The following SPTBN1 variants were observed in gnomAD, a reference collection of about 807,000 sequenced individuals.
SPTBN1 encodes spectrin beta, non-erythrocytic 1.
Under a neutral mutation model 266.4 loss-of-function variants are expected in SPTBN1, and 32 were observed. The ratio of observed to expected loss-of-function variants is 0.12; its 90% CI spans 0.09 to 0.16. The LOEUF is 0.16. Ranked by LOEUF, SPTBN1 falls within the 10% of genes least tolerant of loss-of-function variation. SPTBN1 has a pLI of 1.00. For missense variants in SPTBN1, 2,296 were observed against 3,067.1 expected, an observed-to-expected ratio of 0.75 and a Z score of 5.94; for synonymous variants, 1,336 against 1,162.2, an observed-to-expected ratio of 1.15 and a Z score of -3.04.
intron 1 of SPTBN1, among the ~76,000 whole-genome samples, chr2:54,472,496 T>C (rs1274491696): frequency 6.6e-6 from 1 of 152,202 alleles, no homozygotes; most frequent in Non-Finnish European, 1.5e-5. Flanking sequence ...AGTAAGCTCA[T>C]TGGTAGTTTG....
chr2:54,642,192 G>A (rs1287730847), intron 18 of SPTBN1, among the ~76,000 whole-genome samples: 1 of 152,264 alleles, frequency 6.6e-6, no homozygotes, highest in Non-Finnish European at 1.5e-5. Flanking sequence ...ATGGAAGCCA[G>A]CAAAAGTGGG....
chr2:54,562,696 T>TTGTGTGTGTGTGTGTGTGTG (rs55947327), intron 2 of SPTBN1, among the ~76,000 whole-genome samples: 26 of 122,626 alleles, frequency 2.1e-4, no homozygotes, highest in African/African-American at 6.1e-4. Flanking sequence ...AAACCCTGCT[T>TTGTGTGTGTGTGTGTGTGTG]TGTGTGTGTG....
intron 2 of SPTBN1, among the ~76,000 whole-genome samples, chr2:54,544,553 G>C (rs1672124853): frequency 6.6e-6 from 1 of 152,062 alleles, no homozygotes; most frequent in Admixed American, 6.6e-5. Flanking sequence ...TTGTCTGTTT[G>C]TTTCTGACTG....
chr2:54,530,624 T>A (rs936042903), intron 2 of SPTBN1, among the ~76,000 whole-genome samples: 1 of 152,184 alleles, frequency 6.6e-6, no homozygotes, highest in Non-Finnish European at 1.5e-5. Context: ...CCCAAAGTGC[T>A]GAGATTACAG....
chr2:54,644,439 G>C lies in SPTBN1; in HGVS notation c.4122G>C (p.Gln1374His). Residue 1374 changes from glutamine (Q) to histidine (H), a missense_variant, in exon 20 of 36, where the codon CAG becomes CAC. Gln to His is a conservative substitution (Grantham distance 24, BLOSUM62 0). This residue lies in a region of SPTBN1 where 386 missense variants were observed against 486.1 expected (regional missense o/e 0.79). Coordinates refer to ENST00000356805, the MANE Select transcript of SPTBN1 (RefSeq NM_003128.3). ...VLESTTQTKAQRLFDANKAEL... is the reference protein window; with the variant it reads ...VLESTTQTKAHRLFDANKAEL... ...AATCCACTACCCAGACAAAGGCCCAGCGGCTCTTTGATGCAAACAAGGCCG... is the reference window on the plus strand; with the variant it reads ...AATCCACTACCCAGACAAAGGCCCACCGGCTCTTTGATGCAAACAAGGCCG... The C allele has an allele frequency of 6.2e-7, 1 of 1,614,266 alleles. No individual in the cohort carries two copies.
rs1311561747 is a variant in SPTBN1, at chr2:54,493,230, T to A, written c.-47-33142T>A. 2.0e-5 allele frequency among the ~76,000 whole-genome samples: 3 copies of A among 152,154 alleles called. No homozygotes were observed. The East Asian group carries it at 5.8e-4, about 29-fold the overall frequency. On this transcript the variant is annotated intron_variant, in intron 1 of 35. Coordinates refer to ENST00000356805, the MANE Select transcript of SPTBN1 (RefSeq NM_003128.3). Reference sequence around the variant, plus strand: ...CATGTTGCCCAGGCTGGTCTCAAACTCCTGGGCTTCAGTAATCCTCCCACC... The same window carrying A: ...CATGTTGCCCAGGCTGGTCTCAAACACCTGGGCTTCAGTAATCCTCCCACC...
At chr2:54,501,496 C>G (rs982122547) in intron 1 of SPTBN1, among the ~76,000 whole-genome samples, 6 of 152,190 alleles carry the variant, frequency 3.9e-5, no homozygotes, top group Non-Finnish European at 7.3e-5. Context: ...GATAACTGAT[C>G]ATTTCTAATG....
chr2:54,646,076 C>G lies in SPTBN1; in HGVS notation c.4584+59C>G. 6.2e-7 allele frequency: 1 copy of G among 1,611,796 alleles called. No individual in the cohort carries two copies. Among genetic ancestry groups the G allele is most frequent in the Admixed American group, 1.7e-5 (1 of 59,866 alleles). ...TAAATAATTGCTCTAAATTATGAGACTGGGAATGGCAGAGAGCTTTGAAGC... is the reference window on the plus strand; with the variant it reads ...TAAATAATTGCTCTAAATTATGAGAGTGGGAATGGCAGAGAGCTTTGAAGC... On this transcript the variant is annotated intron_variant, in intron 22 of 35. Coordinates refer to ENST00000356805, the MANE Select transcript of SPTBN1 (RefSeq NM_003128.3). This position sits in a 1 kb window ranked among gnomAD's most constrained non-coding sequence, Gnocchi z 4.4.
intron 35 of SPTBN1, 107 bp from the exon 36 acceptor site, chr2:54,668,242 ACT>A: frequency 8.1e-6 from 8 of 990,560 alleles, no homozygotes; most frequent in Non-Finnish European, 1.2e-5. Context: ...CCCAGAAGTG[ACT>A]CTGCTTACCC....
intron 2 of SPTBN1, among the ~76,000 whole-genome samples, chr2:54,580,228 C>T (rs1674796287): frequency 6.6e-6 from 1 of 152,106 alleles, no homozygotes; most frequent in Non-Finnish European, 1.5e-5. Context: ...GAAGGTTAGT[C>T]TGGGGTGACT....
chr2:54,594,549 G>C (rs1675919746), intron 2 of SPTBN1, among the ~76,000 whole-genome samples: 1 of 152,176 alleles, frequency 6.6e-6, no homozygotes, highest in South Asian at 2.1e-4. Context: ...ATTCCCCGTA[G>C]ATACTGGGAT....
rs1198869518 is a variant in SPTBN1 at position 54,646,390 on chromosome 2, C to A, written c.4781C>A (p.Ala1594Asp). The change falls in exon 23 of 36, where the codon GCC becomes GAC. Residue 1594 changes from alanine (A) to aspartate (D), a missense_variant. Physicochemically the swap from Ala to Asp is moderately radical, Grantham distance 126. Transcript: ENST00000356805. This position sits in a 1 kb window ranked among gnomAD's most constrained non-coding sequence, Gnocchi z 4.4. ...RHRRLEEAHR[A>D]QQYYFDAAEA... ...AGGCGGCTGGAGGAGGCGCACAGGG[C>A]CCAGCAGTACTACTTTGACGCTGCT... 6.2e-7 allele frequency: 1 copy of A among 1,611,608 alleles called. No homozygotes were observed. The highest frequency in any genetic ancestry group is 1.3e-5 in the African/African-American group (1 of 74,738).
intron 16 of SPTBN1, among the ~76,000 whole-genome samples, chr2:54,632,244 CAAAG>C (rs748142415): frequency 1.3e-5 from 2 of 152,020 alleles, no homozygotes; most frequent in East Asian, 1.9e-4. Context: ...GTTACTGTCT[CAAAG>C]AGAGAGTATG....
chr2:54,651,549 C>A (rs796977702), intron 26 of SPTBN1, among the ~76,000 whole-genome samples: 4 of 152,312 alleles, frequency 2.6e-5, no homozygotes, highest in African/African-American at 9.6e-5. Context: ...GCCACTGTCT[C>A]CATTCTGCAC....
intron 2 of SPTBN1, among the ~76,000 whole-genome samples, chr2:54,582,447 C>G (rs886479086): frequency 6.6e-6 from 1 of 151,702 alleles, no homozygotes; most frequent in East Asian, 1.9e-4. Context: ...GCCTGTAGTC[C>G]CAGCTACTCT....
chr2:54,469,625 T>G (rs1021930685), intron 1 of SPTBN1, among the ~76,000 whole-genome samples: 1 of 152,190 alleles, frequency 6.6e-6, no homozygotes, highest in Non-Finnish European at 1.5e-5. Context: ...TGTTAGGTCT[T>G]GACACTTGGG....
chr2:54,457,570 G>A (rs964541949), intron 1 of SPTBN1, among the ~76,000 whole-genome samples: 1 of 152,182 alleles, frequency 6.6e-6, no homozygotes, highest in African/African-American at 2.4e-5. Flanking sequence ...GCGGGGATGT[G>A]CTTTTTTGGC....
intron 2 of SPTBN1, among the ~76,000 whole-genome samples, chr2:54,563,672 C>T (rs1411066776): frequency 1.7e-4 from 22 of 131,560 alleles, no homozygotes; most frequent in African/African-American, 3.7e-4. Context: ...GGCGCGATCT[C>T]GGCTCACTGC....
chr2:54,583,779 T>C (rs571501740), intron 2 of SPTBN1, among the ~76,000 whole-genome samples: 3 of 152,318 alleles, frequency 2.0e-5, no homozygotes, highest in African/African-American at 7.2e-5. Context: ...ATAGGACCTT[T>C]TGTGATGCCC....
Sources: gnomAD v4.1 joint callset for allele counts (sites outside exome capture counted in the v4.1 genomes callset) on GRCh38, gnomAD v4.1.1 for gene constraint, gnomAD v4.1.1 regional missense constraint, Gnocchi (gnomAD v3.1) non-coding constraint, MANE v1.5 for transcripts, NCBI Gene and HGNC (gene_info 2026-07-23, HGNC 2026-07-21) for gene names.